The following IL1RAPL1 variants were observed in gnomAD, a reference collection of about 807,000 sequenced individuals.
IL1RAPL1 encodes interleukin 1 receptor accessory protein like 1.
In IL1RAPL1, 3 loss-of-function variants were observed where a neutral mutation model predicts 48.4. The ratio of observed to expected loss-of-function variants is 0.06; its 90% CI spans 0.03 to 0.16. The LOEUF (loss-of-function observed/expected upper bound fraction) is 0.16. IL1RAPL1 is among the 10% of genes least tolerant of loss of function. The pLI, the probability that IL1RAPL1 is intolerant of heterozygous loss-of-function variation, is 1.00. For missense variants in IL1RAPL1, 349 were observed against 530.6 expected (o/e 0.66, Z 3.36); for synonymous variants, 185 against 187.7 (o/e 0.99, Z 0.12).
At chrX:29,646,811 A>C (rs758902436) in intron 5 of IL1RAPL1, among the ~76,000 whole-genome samples, 31 of 111,308 alleles carry the variant, frequency 2.8e-4, no homozygotes, top group South Asian at 1.9e-3. Flanking sequence ...GGATATTTTC[A>C]AAGTGATTAA....
chrX:29,741,459 G>A (rs1332078661), intron 6 of IL1RAPL1, among the ~76,000 whole-genome samples: 4 of 111,217 alleles, frequency 3.6e-5, no homozygotes, highest in African/African-American at 1.3e-4. Context: ...ACAATGCTTG[G>A]TAGGTTTATA....
At chrX:29,526,932 A>G (rs937817344) in intron 5 of IL1RAPL1, among the ~76,000 whole-genome samples, 3 of 111,931 alleles carry the variant, frequency 2.7e-5, no homozygotes, top group African/African-American at 6.5e-5. Flanking sequence ...AAATGAAAAA[A>G]TAATGAACAA....
chrX:29,951,138 C>A (rs1205419465), intron 9 of IL1RAPL1, among the ~76,000 whole-genome samples: 1 of 111,573 alleles, frequency 9.0e-6, no homozygotes, highest in African/African-American at 3.3e-5. Context: ...AGAAATGATC[C>A]GAGTCTTGAG....
intron 2 of IL1RAPL1, among the ~76,000 whole-genome samples, chrX:28,911,337 G>A (rs1923354345): frequency 9.0e-6 from 1 of 111,178 alleles, no homozygotes; most frequent in African/African-American, 3.3e-5. Context: ...TGTTCAAAGT[G>A]AAAAGAAAAT....
intron 6 of IL1RAPL1, among the ~76,000 whole-genome samples, chrX:29,837,935 G>T (rs1931054363): frequency 8.9e-6 from 1 of 112,213 alleles, no homozygotes; most frequent in African/African-American, 3.2e-5. Flanking sequence ...GTAAGATGAA[G>T]TACCTTTACA....
chrX:28,631,700 A>T (rs904692091), intron 1 of IL1RAPL1, among the ~76,000 whole-genome samples: 2 of 112,767 alleles, frequency 1.8e-5, no homozygotes, highest in African/African-American at 6.4e-5. Flanking sequence ...TTTTCTCCAA[A>T]GTAGATTTTC....
chrX:28,659,493 C>T, intron 1 of IL1RAPL1: 1 of 488,502 alleles, frequency 2.0e-6, no homozygotes, highest in Non-Finnish European at 3.7e-6. Flanking sequence ...CCTTGCTTAA[C>T]CACCCTTCTC....
chrX:29,500,259 G>A (rs1401637691), intron 5 of IL1RAPL1, among the ~76,000 whole-genome samples: 1 of 112,247 alleles, frequency 8.9e-6, no homozygotes, highest in Admixed American at 9.4e-5. Flanking sequence ...GGGATTACAG[G>A]CGTGAGCCAT....
At chrX:29,700,791 A>T (rs1333441039) in intron 6 of IL1RAPL1, among the ~76,000 whole-genome samples, 1 of 111,941 alleles carries the variant, frequency 8.9e-6, no homozygotes. Context: ...AACTACATGA[A>T]ATTACCATTT....
chrX:28,760,376 CAG>C lies in IL1RAPL1; in HGVS notation c.-24-28943_-24-28942del, dbSNP rs754879155. Among the ~76,000 whole-genome samples, 5 of 111,528 alleles carry C rather than the reference CAG, an allele frequency of 4.5e-5. No homozygotes were observed. In the East Asian group the frequency reaches 1.1e-3, roughly 25 times the overall value. ...AATAATCACAAAAATGAATAGGAAA[CAG>C]GGGTCATTGACAATTTGTAGGTCAA... On this transcript the variant is annotated intron_variant, in intron 1 of 10. Transcript: ENST00000378993.
chrX:28,757,291 AAAC>A (rs1462725399), intron 1 of IL1RAPL1, among the ~76,000 whole-genome samples: 28 of 112,770 alleles, frequency 2.5e-4, no homozygotes, highest in Middle Eastern at 4.6e-3. Flanking sequence ...AAACAAGAGA[AAAC>A]AACAAGCGAA....
intron 2 of IL1RAPL1, among the ~76,000 whole-genome samples, chrX:29,029,501 C>CT (rs754329904): frequency 8.9e-6 from 1 of 111,763 alleles, no homozygotes; most frequent in East Asian, 2.8e-4. Flanking sequence ...GCTATAATCT[C>CT]TCAACTGATT....
chrX:29,582,881 T>A (rs1306123243), intron 5 of IL1RAPL1, among the ~76,000 whole-genome samples: 2 of 70,804 alleles, frequency 2.8e-5, no homozygotes, highest in Non-Finnish European at 5.3e-5. Context: ...TATAGCAGCA[T>A]GATTTATAGT....
At chrX:29,912,385 TTAATA>T (rs770713302) in intron 6 of IL1RAPL1, among the ~76,000 whole-genome samples, 2 of 112,143 alleles carry the variant, frequency 1.8e-5, no homozygotes, top group African/African-American at 6.5e-5. Context: ...TATTGAGTTC[TTAATA>T]TATTCAAGAT....
At chrX:29,729,439 ATTC>A (rs1927861626) in intron 6 of IL1RAPL1, among the ~76,000 whole-genome samples, 1 of 111,719 alleles carries the variant, frequency 9.0e-6, no homozygotes, top group East Asian at 2.8e-4. Context: ...GGCAGGGAGT[ATTC>A]TTCTTTCCCC....
At position 29,481,949 on chromosome X, in the gene IL1RAPL1, G is replaced by A. The variant is rs779493135; in HGVS notation, c.703+82641G>A. On this transcript the variant is annotated intron_variant, in intron 5 of 10. Coordinates refer to ENST00000378993, the MANE Select transcript of IL1RAPL1 (RefSeq NM_014271.4). ...GGACACAGGAACAATTAAATGAAGA[G>A]GGAGGAAAAGGAAAACATTTATATG... 2.7e-5 allele frequency among the ~76,000 whole-genome samples: 3 copies of A among 111,440 alleles called. No individual in the cohort carries two copies. In the South Asian group the frequency reaches 1.1e-3, roughly 43 times the overall value.
At chrX:29,802,956 TATACATGTGTACATATATAC>T (rs1194099080) in intron 6 of IL1RAPL1, among the ~76,000 whole-genome samples, 1 of 51,927 alleles carries the variant, frequency 1.9e-5, no homozygotes, top group Non-Finnish European at 3.5e-5. Flanking sequence ...TGCATATATG[TATACATGTGTACATATATAC>T]ATACATGTGT....
chrX:29,102,160 T>C (rs973246561), intron 2 of IL1RAPL1, among the ~76,000 whole-genome samples: 7 of 110,553 alleles, frequency 6.3e-5, no homozygotes, highest in Admixed American at 5.8e-4. Context: ...AAACTGGGTA[T>C]AGATGGAACG....
At chrX:29,445,336 C>T (rs1934600051) in intron 5 of IL1RAPL1, among the ~76,000 whole-genome samples, 1 of 111,799 alleles carries the variant, frequency 8.9e-6, no homozygotes, top group South Asian at 3.7e-4. Flanking sequence ...AAAGTGAACA[C>T]TCCAGTCTTC....
Sources: gnomAD v4.1 joint callset for allele counts (sites outside exome capture counted in the v4.1 genomes callset) on GRCh38, gnomAD v4.1.1 for gene constraint, MANE v1.5 for transcripts, NCBI Gene and HGNC (gene_info 2026-07-23, HGNC 2026-07-21) for gene names.